CARD10: variants seen among roughly 807,000 people sequenced by gnomAD.
CARD10 encodes the protein caspase recruitment domain-containing protein 10.
Under a neutral mutation model 114.6 loss-of-function variants are expected in CARD10, and 49 were observed. The ratio of observed to expected loss-of-function variants is 0.43; its 90% confidence interval spans 0.34 to 0.54. The LOEUF (loss-of-function observed/expected upper bound fraction) is 0.54, where lower values mean the gene tolerates loss of function less well. Among genes scored for constraint, CARD10 ranks in the 20% least tolerant of loss-of-function variants. CARD10 has a pLI of 0.03. For synonymous variants in CARD10, 602 were observed against 593.2 expected (o/e 1.01, Z -0.21); for missense variants, 1,206 against 1,397.2 (o/e 0.86, Z 2.18).
intron 2 of CARD10, 148 bp downstream of exon 2, chr22:37,517,823 G>A (rs1923892465): frequency 9.9e-7 from 1 of 1,012,022 alleles, no homozygotes; most frequent in South Asian, 1.9e-5. Flanking sequence ...CCTACCGTGG[G>A]GCCCTGGGCA....
intron 3 of CARD10, among the ~76,000 whole-genome samples, chr22:37,515,538 G>A (rs1221006942): frequency 6.7e-6 from 1 of 148,576 alleles, no homozygotes; most frequent in Non-Finnish European, 1.5e-5. Context: ...ACTCCAGCCT[G>A]GGCAACAAGG....
rs1207720613 is a variant in CARD10 at position 37,496,715 on chromosome 22, TCCCCATCCACAGGACGC to T, written c.1948-172_1948-156del. ...GCCATGCCCAGCCCAGTCAGACCCG[TCCCCATCCACAGGACGC>T]CCCCATCCACAGGACTCCCCAACCC... On this transcript the variant is annotated intron_variant, in intron 12 of 19. Transcript: ENST00000251973. The surrounding 1 kb of genome is among the most constrained non-coding windows in gnomAD (Gnocchi z 4.1). 4.2e-5 allele frequency: 28 copies of T among 669,524 alleles called. No homozygotes were observed. Among genetic ancestry groups the T allele is most frequent in the Non-Finnish European group, 5.7e-5 (22 of 388,270 alleles). The allele number at this position is 669,524 out of a possible 1,614,324, so 41.5% of individuals were successfully genotyped here.
At position 37,491,588 on chromosome 22, in the gene CARD10, AGAGAGGGGGAGAAGGAGGGGGG is replaced by A. The variant is rs1569161302; in HGVS notation, c.2864+145_2864+166del. Among the ~76,000 whole-genome samples, 8 of 890 alleles carry A rather than the reference AGAGAGGGGGAGAAGGAGGGGGG, an allele frequency of 9.0e-3. 1 individual carries two copies. The highest frequency in any genetic ancestry group is 0.033 in the African/African-American group (3 of 92). The allele number at this position is 890 out of a possible 152,430, so 0.6% of individuals were successfully genotyped here. On this transcript the variant is annotated intron_variant, in intron 19 of 19. Coordinates refer to ENST00000251973, the MANE Select transcript of CARD10 (RefSeq NM_014550.4). ...GACGGGGGAGGGAGGGGGGAGGGAGAGAGAGGGGGAGAAGGAGGGGGGAGGGGGAGGGAGAGAGGGGGAAGGA... is the reference window on the plus strand; with the variant it reads ...GACGGGGGAGGGAGGGGGGAGGGAGAAGGGGGAGGGAGAGAGGGGGAAGGA...
chr22:37,496,338 A>G lies in CARD10; in HGVS notation c.2059+111T>C. The stretch of plus-strand genomic sequence containing the variant: ...CAGGCGGGGAGCCAGGAGAAGGGCA[A>G]TTGGGGCAAGGCTGGTCCCTTCTCA... On this transcript the variant is annotated intron_variant, in intron 13 of 19. Transcript: ENST00000251973. This position sits in a 1 kb window ranked among gnomAD's most constrained non-coding sequence, Gnocchi z 4.1. 6.5e-6 allele frequency: 5 copies of G among 765,014 alleles called. No individual in the cohort carries two copies. Among genetic ancestry groups the G allele is most frequent in the Non-Finnish European group, 1.1e-5 (5 of 470,618 alleles). 47.4% of individuals were successfully genotyped at this position (765,014 alleles called of 1,614,324 possible).
chr22:37,503,386 A>C (rs1450013626), intron 9 of CARD10, among the ~76,000 whole-genome samples, 173 bp from the exon 10 acceptor site: 1 of 152,158 alleles, frequency 6.6e-6, no homozygotes, highest in Non-Finnish European at 1.5e-5. Context: ...TGGCTCCCCT[A>C]AACTCCCAGG....
Position 37,491,079 on chromosome 22 carries a change from C to G in CARD10, c.*80G>C. Reference sequence around the variant, plus strand: ...GAGAGTCCAAGGGTCTAGGAAGGCTCAGGGTGGGAGGGCCCAGCTTCACCA... The same window carrying G: ...GAGAGTCCAAGGGTCTAGGAAGGCTGAGGGTGGGAGGGCCCAGCTTCACCA... On this transcript the variant is annotated 3_prime_UTR_variant, in exon 20 of 20. Coordinates refer to ENST00000251973, the MANE Select transcript of CARD10 (RefSeq NM_014550.4). 1 of 1,166,494 alleles carries G rather than the reference C, an allele frequency of 8.6e-7. No homozygotes were observed. 72.3% of individuals were successfully genotyped at this position (1,166,494 alleles called of 1,614,324 possible). A position where few individuals can be genotyped will look rare whatever the true frequency, so the allele number is the denominator to read the frequency against.
At position 37,494,118 on chromosome 22, in the gene CARD10, G is replaced by T. The variant is rs772953149; in HGVS notation, c.2444C>A (p.Ser815Tyr). Residue 815 changes from serine to tyrosine, a missense_variant, in exon 16 of 20, where the codon TCC becomes TAC. Transcript: ENST00000251973. ...PKPVGAPAGDSPDQLLLEPCA... is the reference protein window; with the variant it reads ...PKPVGAPAGDYPDQLLLEPCA... ...GGGCTCCAGCAGCAGCTGATCCGGGGAGTCCCCTGCAGGCGCCCCCACGGG... is the reference window on the plus strand; with the variant it reads ...GGGCTCCAGCAGCAGCTGATCCGGGTAGTCCCCTGCAGGCGCCCCCACGGG... The T allele has an allele frequency of 3.2e-6, 5 of 1,559,614 alleles. No homozygotes were observed. The East Asian group carries it at 1.2e-4, about 37-fold the overall frequency.
At chr22:37,507,388 C>A (rs1199670684) in intron 6 of CARD10, among the ~76,000 whole-genome samples, 3 of 152,232 alleles carry the variant, frequency 2.0e-5, no homozygotes, top group Non-Finnish European at 4.4e-5. Context: ...CACAAGGAGG[C>A]TCGGGGGCCT....
At chr22:37,509,164 A>T (rs1923523161) in intron 4 of CARD10, 2 of 1,453,866 alleles carry the variant, frequency 1.4e-6, no homozygotes, top group Non-Finnish European at 1.8e-6. Flanking sequence ...ACCCCATGAA[A>T]CACACTGGCT....
chr22:37,510,971 A>G (rs1213239846), intron 3 of CARD10, among the ~76,000 whole-genome samples: 1 of 152,080 alleles, frequency 6.6e-6, no homozygotes, highest in Non-Finnish European at 1.5e-5. Flanking sequence ...AGTCCCAGCT[A>G]CTAGGGAGAT....
rs1344804224 is a variant in CARD10, at chr22:37,492,536, C to T, written c.2650G>A (p.Glu884Lys). The T allele has an allele frequency of 5.6e-6, 9 of 1,602,654 alleles. No individual in the cohort carries two copies. The highest frequency in any genetic ancestry group is 7.7e-6 in the Non-Finnish European group (9 of 1,173,382). The change falls in exon 18 of 20, where the codon GAG becomes AAG. Residue 884 changes from glutamate to lysine, a missense_variant. Glu to Lys is a moderately conservative substitution (Grantham distance 56). This residue lies in a region of CARD10 where 1,068 missense variants were observed against 1,179.1 expected (regional missense o/e 0.91). Transcript: ENST00000251973. The surrounding 1 kb of genome is among the most constrained non-coding windows in gnomAD (Gnocchi z 5.7). ...QVCPAESLSG[E>K]ELCPSSAPGA... ...GGCGCTGAGGATGGGCACAGTTCCT[C>T]CCCAGAGAGGCTTTCTGCACAGGGA...
In CARD10 at chr22:37,491,293, C is replaced by G; in HGVS notation, c.2965G>C (p.Val989Leu). Residue 989 changes from valine (V) to leucine (L), a missense_variant, in exon 20 of 20, where the codon GTG becomes CTG. By Grantham distance (32) the Val-to-Leu change is conservative. Transcript: ENST00000251973. ...LWGLPCSWVQ[V>L]PAHEWGHAEE... is the part of the protein sequence containing the mutation. ...GCGTGTCCCCACTCATGGGCGGGCACCTGCACCCAGGAGCAGGGCAGCCCC... is the reference window on the plus strand; with the variant it reads ...GCGTGTCCCCACTCATGGGCGGGCAGCTGCACCCAGGAGCAGGGCAGCCCC... The G allele has an allele frequency of 6.4e-7, 1 of 1,569,086 alleles. No individual in the cohort carries two copies. The highest frequency in any genetic ancestry group is 8.6e-7 in the Non-Finnish European group (1 of 1,163,518).
intron 5 of CARD10, among the ~76,000 whole-genome samples, 165 bp downstream of exon 5, chr22:37,508,362 G>A (rs987513128): frequency 5.3e-5 from 8 of 152,196 alleles, no homozygotes; most frequent in East Asian, 1.9e-4. Context: ...TGCTCACTGC[G>A]GCATCTCAAG....
chr22:37,511,125 A>G (rs1364940444), intron 3 of CARD10, among the ~76,000 whole-genome samples: 1 of 148,922 alleles, frequency 6.7e-6, no homozygotes, highest in East Asian at 2.0e-4. Flanking sequence ...CAGGCCTAAC[A>G]CTTTAGAAGG....
Position 37,492,557 on chromosome 22 carries a change from A to T in CARD10, c.2636-7T>A. ...TCCTCCCCAGAGAGGCTTTCTGCACAGGGAGTGGAGAGGGAGAGATGAAGG... is the reference window on the plus strand; with the variant it reads ...TCCTCCCCAGAGAGGCTTTCTGCACTGGGAGTGGAGAGGGAGAGATGAAGG... On this transcript the variant is annotated splice_region_variant and splice_polypyrimidine_tract_variant and intron_variant, in intron 17 of 19. Transcript: ENST00000251973. The surrounding 1 kb of genome is among the most constrained non-coding windows in gnomAD (Gnocchi z 5.7). 6.2e-6 allele frequency: 10 copies of T among 1,600,670 alleles called. No homozygotes were observed. The highest frequency in any genetic ancestry group is 7.7e-6 in the Non-Finnish European group (9 of 1,172,170).
chr22:37,518,876 G>C, intron 1 of CARD10, 90 bp downstream of exon 1: 1 of 1,397,460 alleles, frequency 7.2e-7, no homozygotes, highest in Non-Finnish European at 9.4e-7. Context: ...CAGGGCAGCA[G>C]AGCCCTAGCT....
chr22:37,518,895 C>T, intron 1 of CARD10, 71 bp downstream of exon 1: 1 of 1,448,090 alleles, frequency 6.9e-7, no homozygotes. Context: ...CTTCGCGCTA[C>T]ACGGCTGTGG....
intron 3 of CARD10, among the ~76,000 whole-genome samples, chr22:37,511,424 A>AGGAGGAAGG (rs1923643363): frequency 1.2e-5 from 1 of 80,452 alleles, no homozygotes; most frequent in African/African-American, 6.0e-5. Flanking sequence ...AGGAGGAGGG[A>AGGAGGAAGG]GGGGGAAGAG....
chr22:37,491,446 G>C (rs1922772063), intron 19 of CARD10, 53 bp from the exon 20 acceptor site: 5 of 1,296,332 alleles, frequency 3.9e-6, no homozygotes, highest in African/African-American at 1.5e-5. Context: ...GACAGACAGA[G>C]AGACAGGGAG....
Sources: gnomAD v4.1 joint callset for allele counts (sites outside exome capture counted in the v4.1 genomes callset) on GRCh38, gnomAD v4.1.1 for gene constraint, gnomAD v4.1.1 regional missense constraint, Gnocchi (gnomAD v3.1) non-coding constraint, MANE v1.5 for transcripts, NCBI Gene and HGNC (gene_info 2026-07-23, HGNC 2026-07-21) for gene names.